The following TMEM164 variants were observed in gnomAD, a reference collection of about 807,000 sequenced individuals.
The protein encoded by TMEM164 is transmembrane protein 164, also known as RP13-360B22.2.
TMEM164 carries 4 observed loss-of-function variants against 18.8 expected under a neutral mutation model. The ratio of observed to expected loss-of-function variants is 0.21; its 90% CI spans 0.10 to 0.49. The LOEUF is 0.49. Ranked by LOEUF, TMEM164 falls within the 20% of genes least tolerant of loss-of-function variation. The pLI, the probability that TMEM164 is intolerant of heterozygous loss-of-function variation, is 0.98. For synonymous variants in TMEM164, 86 were observed against 101.7 expected (o/e 0.85, Z 0.93); for missense variants, 108 against 239.9 (o/e 0.45, Z 3.63).
chrX:110,068,286 G>A (rs947093212), intron 3 of TMEM164, among the ~76,000 whole-genome samples: 2 of 112,351 alleles, frequency 1.8e-5, no homozygotes, highest in African/African-American at 6.5e-5. Flanking sequence ...TAGCCACTTA[G>A]TCTCTTGCCT....
chrX:110,100,467 C>T (rs1247773684), intron 3 of TMEM164, among the ~76,000 whole-genome samples: 1 of 111,565 alleles, frequency 9.0e-6, no homozygotes, highest in African/African-American at 3.3e-5. Flanking sequence ...ACTTTTTAGT[C>T]TTTTTTAGTC....
At chrX:110,105,980 G>A (rs1237316733) in intron 3 of TMEM164, among the ~76,000 whole-genome samples, 2 of 111,328 alleles carry the variant, frequency 1.8e-5, no homozygotes, top group African/African-American at 6.5e-5. Flanking sequence ...GATGATGGTG[G>A]TTATAATAAA....
At chrX:110,088,725 G>A (rs1176538304) in intron 3 of TMEM164, among the ~76,000 whole-genome samples, 1 of 112,087 alleles carries the variant, frequency 8.9e-6, no homozygotes, top group Non-Finnish European at 1.9e-5. Context: ...AATAGAAGCT[G>A]CCTACCTTTA....
chrX:110,137,985 C>G (rs1263336112), intron 4 of TMEM164, among the ~76,000 whole-genome samples: 1 of 111,935 alleles, frequency 8.9e-6, no homozygotes, highest in African/African-American at 3.3e-5. Context: ...GCTAAAGTTA[C>G]CCTGGTAGTC....
intron 2 of TMEM164, among the ~76,000 whole-genome samples, chrX:110,010,988 C>T (rs2147674546): frequency 8.9e-6 from 1 of 111,840 alleles, no homozygotes; most frequent in African/African-American, 3.2e-5. Flanking sequence ...GGAATGTTGA[C>T]ACATGGTTTG....
intron 2 of TMEM164, among the ~76,000 whole-genome samples, chrX:110,014,687 G>C (rs756440310): frequency 3.5e-4 from 38 of 107,059 alleles, no homozygotes; most frequent in Non-Finnish European, 6.7e-4. Flanking sequence ...AAAGGAGTGA[G>C]CTTGGGGGAA....
intron 2 of TMEM164, among the ~76,000 whole-genome samples, chrX:110,058,997 A>G (rs1258262220): frequency 9.0e-6 from 1 of 110,627 alleles, no homozygotes; most frequent in Admixed American, 9.7e-5. Flanking sequence ...TTGGTGAAGT[A>G]CAGTATATTT....
At chrX:110,102,799 G>C (rs1243514502) in intron 3 of TMEM164, among the ~76,000 whole-genome samples, 2 of 112,102 alleles carry the variant, frequency 1.8e-5, no homozygotes, top group Non-Finnish European at 3.8e-5. Flanking sequence ...TGGTAGGGAT[G>C]GGATGGAATG....
chrX:110,118,112 C>T, intron 4 of TMEM164, among the ~76,000 whole-genome samples: 1 of 112,043 alleles, frequency 8.9e-6, no homozygotes, highest in African/African-American at 3.2e-5. Flanking sequence ...GGGGTCTCAC[C>T]ATGTTGGCCA....
At chrX:110,090,677 T>C (rs971664211) in intron 3 of TMEM164, among the ~76,000 whole-genome samples, 7 of 111,873 alleles carry the variant, frequency 6.3e-5, no homozygotes, top group African/African-American at 2.3e-4. Flanking sequence ...GTATAGCTTC[T>C]GCTTAGTCTC....
intron 3 of TMEM164, among the ~76,000 whole-genome samples, chrX:110,090,940 G>A (rs1033261917): frequency 3.8e-5 from 4 of 104,407 alleles, no homozygotes; most frequent in Admixed American, 1.1e-4. Context: ...TCCCACCTAT[G>A]AATGAGAACA....
intron 3 of TMEM164, among the ~76,000 whole-genome samples, chrX:110,072,232 C>T (rs1192296752): frequency 4.2e-5 from 4 of 94,323 alleles, no homozygotes; most frequent in African/African-American, 1.2e-4. Flanking sequence ...ACTTGGGAGG[C>T]GGAGGTTGCA....
chrX:110,060,266 G>GAAAAAAAAAAAAAAAAAAA (rs140796343), intron 2 of TMEM164, among the ~76,000 whole-genome samples: 5 of 51,467 alleles, frequency 9.7e-5, no homozygotes, highest in Non-Finnish European at 1.7e-4. Context: ...GACCCTGTCT[G>GAAAAAAAAAAAAAAAAAAA]AAAAAAAAAA....
chrX:110,176,725 G>C lies in TMEM164; in HGVS notation c.*3274G>C, dbSNP rs1359554537. ...AGGGCAGTGCCCTGGGGGTAAGCTA[G>C]GTGGCTCAGGGAGTGGCAGAAGGGC... On this transcript the variant is annotated 3_prime_UTR_variant, in exon 7 of 7. Coordinates refer to ENST00000372068, the MANE Select transcript of TMEM164 (RefSeq NM_032227.4). 2.7e-5 allele frequency: 3 copies of C among 111,372 alleles called. No individual in the cohort carries two copies. Among genetic ancestry groups the C allele is most frequent in the African/African-American group, 6.5e-5 (2 of 30,560 alleles). 9.2% of individuals were successfully genotyped at this position (111,372 alleles called of 1,213,427 possible).
intron 4 of TMEM164, among the ~76,000 whole-genome samples, chrX:110,116,064 A>G (rs1569335848): frequency 8.9e-6 from 1 of 112,014 alleles, no homozygotes; most frequent in Non-Finnish European, 1.9e-5. Context: ...ACTGCACTTC[A>G]GTCTGGGTGA....
At chrX:110,120,944 G>C (rs2066440960) in intron 4 of TMEM164, among the ~76,000 whole-genome samples, 1 of 112,178 alleles carries the variant, frequency 8.9e-6, no homozygotes. Flanking sequence ...GTTCTGCCCT[G>C]CCACTGGCTG....
chrX:110,087,618 G>C (rs1405122545), intron 3 of TMEM164, among the ~76,000 whole-genome samples: 3 of 111,030 alleles, frequency 2.7e-5, no homozygotes, highest in African/African-American at 9.9e-5. Flanking sequence ...CTCATGGAGT[G>C]AGTCACTGAG....
At chrX:110,090,544 T>G (rs1046061851) in intron 3 of TMEM164, among the ~76,000 whole-genome samples, 7 of 110,923 alleles carry the variant, frequency 6.3e-5, no homozygotes, top group African/African-American at 2.3e-4. Flanking sequence ...CTTGATCTCC[T>G]GACTTTGTGA....
chrX:110,036,970 G>C (rs1393661057), intron 2 of TMEM164, among the ~76,000 whole-genome samples: 3 of 111,163 alleles, frequency 2.7e-5, no homozygotes, highest in Non-Finnish European at 5.7e-5. Flanking sequence ...ATATGGGACA[G>C]TGCAGGATAA....
Sources: gnomAD v4.1 joint callset for allele counts (sites outside exome capture counted in the v4.1 genomes callset) on GRCh38, gnomAD v4.1.1 for gene constraint, MANE v1.5 for transcripts, NCBI Gene and HGNC (gene_info 2026-07-23, HGNC 2026-07-21) for gene names.